The following ARHGAP39 variants were observed in gnomAD, a reference collection of about 807,000 sequenced individuals.
ARHGAP39 encodes the protein Rho GTPase activating protein 39.
In ARHGAP39, 44 loss-of-function variants were observed where a neutral mutation model predicts 106.9. The ratio of observed to expected loss-of-function variants is 0.41; its 90% CI spans 0.32 to 0.53. ARHGAP39 has a LOEUF of 0.53. Among genes scored for constraint, ARHGAP39 ranks in the 20% least tolerant of loss-of-function variants. ARHGAP39 has a pLI of 0.21. For synonymous variants in ARHGAP39, 768 were observed against 693.2 expected (o/e 1.11, Z -1.69); for missense variants, 1,496 against 1,577.3 (o/e 0.95, Z 0.87).
intron 1 of ARHGAP39, among the ~76,000 whole-genome samples, chr8:144,611,423 T>C (rs1160055689): frequency 5.3e-5 from 8 of 152,230 alleles, no homozygotes; most frequent in Non-Finnish European, 5.9e-5. Flanking sequence ...ACTTGTTCTA[T>C]CCATCACTGA....
intron 1 of ARHGAP39, among the ~76,000 whole-genome samples, chr8:144,660,919 G>A (rs1821805938): frequency 1.3e-5 from 2 of 152,136 alleles, no homozygotes; most frequent in African/African-American, 4.8e-5. Context: ...GGGAGGTGGA[G>A]GTTTGCAGTG....
chr8:144,616,922 C>T (rs549493339), intron 1 of ARHGAP39, among the ~76,000 whole-genome samples: 1 of 152,298 alleles, frequency 6.6e-6, no homozygotes, highest in East Asian at 1.9e-4. Flanking sequence ...TATTTTAAAA[C>T]AAAACAATGC....
intron 3 of ARHGAP39, among the ~76,000 whole-genome samples, chr8:144,557,313 C>G (rs1462992571): frequency 6.8e-6 from 1 of 147,230 alleles, no homozygotes; most frequent in African/African-American, 2.7e-5. Context: ...AAAGGCTGAA[C>G]CTTCGTAGTA....
At chr8:144,552,079 C>T (rs1470349029) in intron 4 of ARHGAP39, among the ~76,000 whole-genome samples, 1 of 152,212 alleles carries the variant, frequency 6.6e-6, no homozygotes, top group Non-Finnish European at 1.5e-5. Context: ...AATCAAACAT[C>T]ACAACACAGG....
intron 2 of ARHGAP39, among the ~76,000 whole-genome samples, chr8:144,595,580 C>T (rs1819590541): frequency 6.6e-6 from 1 of 152,254 alleles, no homozygotes; most frequent in Non-Finnish European, 1.5e-5. Context: ...AGGTGAGGGG[C>T]AGCTGGGCTG....
At chr8:144,661,299 C>T (rs1189589057) in intron 1 of ARHGAP39, among the ~76,000 whole-genome samples, 1 of 152,224 alleles carries the variant, frequency 6.6e-6, no homozygotes, top group Non-Finnish European at 1.5e-5. Context: ...ACATCTCAGC[C>T]TCTCCCCGGC....
intron 1 of ARHGAP39, among the ~76,000 whole-genome samples, chr8:144,643,323 G>A (rs1315773577): frequency 6.6e-6 from 1 of 151,792 alleles, no homozygotes; most frequent in African/African-American, 2.4e-5. Flanking sequence ...GCATGGTGGT[G>A]CACACCTGCA....
chr8:144,549,183 G>A (rs911385478), intron 4 of ARHGAP39, among the ~76,000 whole-genome samples: 2 of 152,236 alleles, frequency 1.3e-5, no homozygotes, highest in African/African-American at 2.4e-5. Context: ...AGCACTGCGG[G>A]GCAGATATGC....
intron 3 of ARHGAP39, among the ~76,000 whole-genome samples, chr8:144,556,061 G>A (rs570749905): frequency 3.3e-5 from 5 of 152,264 alleles, no homozygotes; most frequent in South Asian, 2.1e-4. Flanking sequence ...TGAGGCGGGC[G>A]GATCACGAGG....
intron 1 of ARHGAP39, among the ~76,000 whole-genome samples, chr8:144,642,957 G>A: frequency 6.6e-6 from 1 of 152,038 alleles, no homozygotes. Flanking sequence ...AGGCTGCCGT[G>A]AGCCGACATC....
chr8:144,660,009 C>T (rs1034973277), intron 1 of ARHGAP39, among the ~76,000 whole-genome samples: 1 of 152,144 alleles, frequency 6.6e-6, no homozygotes, highest in African/African-American at 2.4e-5. Context: ...GGTGGTGTTC[C>T]CTCACCTGAA....
intron 6 of ARHGAP39, 45 bp downstream of exon 6, chr8:144,545,204 A>G: frequency 6.9e-7 from 1 of 1,445,108 alleles, no homozygotes. Context: ...AGCCCTCTCC[A>G]CTGCCCTTAC....
At chr8:144,595,835 CA>C (rs1023778969) in intron 2 of ARHGAP39, among the ~76,000 whole-genome samples, 1 of 152,184 alleles carries the variant, frequency 6.6e-6, no homozygotes, top group Non-Finnish European at 1.5e-5. Flanking sequence ...CAGCCTCTGC[CA>C]GGGGCGCCAG....
chr8:144,541,932 G>C (rs1436979975), intron 6 of ARHGAP39, among the ~76,000 whole-genome samples: 1 of 148,786 alleles, frequency 6.7e-6, no homozygotes, highest in Admixed American at 6.7e-5. Flanking sequence ...CTGCCTACCA[G>C]TTTCCACAGT....
rs751423751 is a variant in ARHGAP39 at position 144,585,113 on chromosome 8, C to T, written c.81-3836G>A. On this transcript the variant is annotated intron_variant, in intron 2 of 11. Coordinates refer to ENST00000377307, the MANE Select transcript of ARHGAP39 (RefSeq NM_025251.3). This position sits in a 1 kb window ranked among gnomAD's most constrained non-coding sequence, Gnocchi z 4.6. ...CGTCCAGGTGTCTGAAGGGCTTAGA[C>T]GCCCTCTCCCGATTGGCCCTGTGTC... Among the ~76,000 whole-genome samples, 21 of 152,156 alleles carry T rather than the reference C, an allele frequency of 1.4e-4. No homozygotes were observed. The highest frequency in any genetic ancestry group is 2.4e-4 in the Non-Finnish European group (16 of 68,018).
At chr8:144,581,401 A>C in intron 2 of ARHGAP39, 124 bp from the exon 3 acceptor site, 2 of 1,134,730 alleles carry the variant, frequency 1.8e-6, no homozygotes, top group African/African-American at 1.6e-5. Context: ...GAGGAAAGCA[A>C]ACCCAAGCCC....
intron 1 of ARHGAP39, among the ~76,000 whole-genome samples, chr8:144,661,189 C>A (rs1821813030): frequency 6.6e-6 from 1 of 152,148 alleles, no homozygotes; most frequent in African/African-American, 2.4e-5. Flanking sequence ...ATGGCCCCTT[C>A]ACACACAGGC....
At chr8:144,687,616 A>AC (rs1487013894), upstream of ARHGAP39, among the ~76,000 whole-genome samples, 4 of 17,182 alleles carry the variant, frequency 2.3e-4, no homozygotes, top group Non-Finnish European at 4.0e-4. Context: ...AGCACTTCCC[A>AC]CCCCGTGACC....
In ARHGAP39 at chr8:144,670,458, C is replaced by G. The variant is rs965139888; in HGVS notation, c.-82+15228G>C. Among the ~76,000 whole-genome samples, 8 of 152,160 alleles carry G rather than the reference C, an allele frequency of 5.3e-5. No individual in the cohort carries two copies. Among genetic ancestry groups the G allele is most frequent in the Admixed American group, 1.3e-4 (2 of 15,276 alleles). On this transcript the variant is annotated intron_variant, in intron 1 of 11. Transcript: ENST00000377307. This position sits in a 1 kb window ranked among gnomAD's most constrained non-coding sequence, Gnocchi z 4.4. ...TCATTCACCTAAACCACAGGTGGCT[C>G]AACCATTTCTGTATTTCCTGTCAGT...
Sources: allele counts gnomAD v4.1 joint callset (sites outside exome capture counted in the v4.1 genomes callset), GRCh38; gene constraint gnomAD v4.1.1; non-coding constraint Gnocchi (gnomAD v3.1); transcripts MANE v1.5; gene names NCBI Gene and HGNC (gene_info 2026-07-23, HGNC 2026-07-21).